Variants in MUSK observed in about 807,000 individuals in gnomAD.
MUSK encodes the protein muscle, skeletal receptor tyrosine-protein kinase.
In MUSK, 55 loss-of-function variants were observed where a neutral mutation model predicts 88.7. The observed-to-expected ratio is 0.62, with a 90% CI of 0.50 to 0.78. The LOEUF (loss-of-function observed/expected upper bound fraction) is 0.78, where lower values mean the gene tolerates loss of function less well. Among genes scored for constraint, MUSK ranks in the 30% least tolerant of loss-of-function variants. The pLI is 0.00. For missense variants in MUSK, 1,015 were observed against 1,074.3 expected, an observed-to-expected ratio of 0.94 and a Z score of 0.77; for synonymous variants, 387 against 391.9, an observed-to-expected ratio of 0.99 and a Z score of 0.15.
chr9:110,762,999 T>A lies in MUSK; in HGVS notation c.920+791T>A, dbSNP rs2077423900. Among the ~76,000 whole-genome samples the A allele has an allele frequency of 1.3e-5, 2 of 152,180 alleles. 1 individual carries two copies. The highest frequency in any genetic ancestry group is 4.1e-4 in the South Asian group (2 of 4,828). On this transcript the variant is annotated intron_variant, in intron 8 of 14. Coordinates refer to ENST00000374448, the MANE Select transcript of MUSK (RefSeq NM_005592.4). ...TCTCATCATCAGAAAATGGTAAGTATGTGAGGTAATGCATTTGTTAATTAG... is the reference window on the plus strand; with the variant it reads ...TCTCATCATCAGAAAATGGTAAGTAAGTGAGGTAATGCATTTGTTAATTAG...
chr9:110,785,364 C>G (rs2077837966), intron 12 of MUSK, among the ~76,000 whole-genome samples, 163 bp from the exon 13 acceptor site: 1 of 152,162 alleles, frequency 6.6e-6, no homozygotes, highest in Non-Finnish European at 1.5e-5. Flanking sequence ...GACTCTAGAC[C>G]AAACAAAATA....
intron 9 of MUSK, among the ~76,000 whole-genome samples, chr9:110,773,048 C>T (rs1213838381): frequency 2.0e-5 from 3 of 152,026 alleles, no homozygotes; most frequent in African/African-American, 4.8e-5. Flanking sequence ...CTAACATAAG[C>T]AGTCATTCAA....
At chr9:110,698,476 T>C (rs562891539) in intron 5 of MUSK, among the ~76,000 whole-genome samples, 68 of 152,328 alleles carry the variant, frequency 4.5e-4, no homozygotes, top group African/African-American at 1.6e-3. Context: ...TTTGATTCTG[T>C]CCTACTTTCC....
chr9:110,781,511 C>T (rs537072327), intron 11 of MUSK, among the ~76,000 whole-genome samples: 8 of 152,270 alleles, frequency 5.3e-5, no homozygotes, highest in South Asian at 4.1e-4. Flanking sequence ...CTCCTGACCT[C>T]GTGATTCACC....
At chr9:110,726,149 A>G (rs1362147172) in intron 5 of MUSK, among the ~76,000 whole-genome samples, 1 of 152,082 alleles carries the variant, frequency 6.6e-6, no homozygotes, top group Non-Finnish European at 1.5e-5. Context: ...GAGGTATAAT[A>G]TATTTGCATT....
rs550105540 is a variant in MUSK, at chr9:110,736,043, C to T, written c.753+1668C>T. On this transcript the variant is annotated intron_variant, in intron 6 of 14. Transcript: ENST00000374448. ...GTGGGGACACAGATCTAAACCATAG[C>T]AATAGCACAACAGGACAACTATACA... 3.3e-5 allele frequency among the ~76,000 whole-genome samples: 5 copies of T among 152,196 alleles called. No homozygotes were observed. In the East Asian group the frequency reaches 9.7e-4, roughly 29 times the overall value.
chr9:110,737,568 T>C (rs1245647091), intron 6 of MUSK, among the ~76,000 whole-genome samples: 3 of 152,132 alleles, frequency 2.0e-5, no homozygotes, highest in Admixed American at 6.6e-5. Context: ...TAGTAGGCTA[T>C]CATGATCAGG....
intron 3 of MUSK, among the ~76,000 whole-genome samples, chr9:110,689,813 T>C (rs1242354353): frequency 2.1e-5 from 2 of 94,556 alleles, no homozygotes; most frequent in African/African-American, 9.0e-5. Context: ...TATATAACTA[T>C]ATATTTAAAT....
At chr9:110,689,718 T>TAGTTATATATAAATATATAACTCTATATA (rs370720549) in intron 3 of MUSK, among the ~76,000 whole-genome samples, 1 of 51,662 alleles carries the variant, frequency 1.9e-5, no homozygotes, top group Non-Finnish European at 2.9e-5. Context: ...TAACTATATA[T>TAGTTATATATAAATATATAACTCTATATA]GTTATATATA....
At chr9:110,762,247 T>C (rs2077413119) in intron 8 of MUSK, 39 bp downstream of exon 8, 1 of 1,389,570 alleles carries the variant, frequency 7.2e-7, no homozygotes, top group Non-Finnish European at 9.4e-7. Flanking sequence ...TCCAATGTTT[T>C]GTTTTGTAGG....
At chr9:110,702,683 G>A (rs1297808664) in intron 5 of MUSK, among the ~76,000 whole-genome samples, 1 of 151,890 alleles carries the variant, frequency 6.6e-6, no homozygotes, top group Admixed American at 6.6e-5. Context: ...CTGATGGCTT[G>A]AGCACTGGAG....
At chr9:110,770,776 G>A (rs1392278841) in intron 9 of MUSK, among the ~76,000 whole-genome samples, 1 of 151,214 alleles carries the variant, frequency 6.6e-6, no homozygotes, top group African/African-American at 2.4e-5. Context: ...TTATGACTAG[G>A]TGTGTTTTAT....
At chr9:110,776,599 A>G (rs749456444) in intron 10 of MUSK, 33 bp from the exon 11 acceptor site, 27 of 1,567,016 alleles carry the variant, frequency 1.7e-5, no homozygotes, top group Middle Eastern at 3.3e-4. Flanking sequence ...CTGGATGCTC[A>G]CTTAAAACAA....
At chr9:110,719,729 A>G (rs961817046) in intron 5 of MUSK, among the ~76,000 whole-genome samples, 1 of 152,080 alleles carries the variant, frequency 6.6e-6, no homozygotes, top group African/African-American at 2.4e-5. Context: ...ACTATACCCT[A>G]CAACAAATGG....
rs542851599 is a variant in MUSK at position 110,783,798 on chromosome 9, T to A, written c.1385-1017T>A. On this transcript the variant is annotated intron_variant, in intron 11 of 14. Transcript: ENST00000374448. ...GTTCATTTACTTTCATTCTTTTTTA[T>A]CTAGTGGAAGGAGATAACACTATGA... 2.0e-5 allele frequency among the ~76,000 whole-genome samples: 3 copies of A among 152,122 alleles called. No homozygotes were observed. In the South Asian group the frequency reaches 6.2e-4, roughly 32 times the overall value.
intron 11 of MUSK, among the ~76,000 whole-genome samples, chr9:110,777,203 G>A (rs1250448220): frequency 6.6e-6 from 1 of 152,096 alleles, no homozygotes; most frequent in Non-Finnish European, 1.5e-5. Context: ...CTTGAAAAGG[G>A]ATGTCGTACA....
chr9:110,758,572 C>A (rs2077357835), intron 7 of MUSK, among the ~76,000 whole-genome samples: 2 of 152,226 alleles, frequency 1.3e-5, no homozygotes, highest in South Asian at 4.2e-4. Context: ...CTGGCCATAG[C>A]AATCAGATAA....
chr9:110,677,683 T>A (rs543990947), intron 1 of MUSK, among the ~76,000 whole-genome samples: 1 of 152,366 alleles, frequency 6.6e-6, no homozygotes, highest in South Asian at 2.1e-4. Flanking sequence ...CAAATTTGAA[T>A]CATCCTGTGA....
At chr9:110,745,270 G>A (rs1340048711) in intron 6 of MUSK, among the ~76,000 whole-genome samples, 2 of 152,196 alleles carry the variant, frequency 1.3e-5, no homozygotes, top group Non-Finnish European at 2.9e-5. Flanking sequence ...GTGACCTTGA[G>A]GAGGTGTTTA....
Sources: allele counts gnomAD v4.1 joint callset (sites outside exome capture counted in the v4.1 genomes callset), GRCh38; gene constraint gnomAD v4.1.1; transcripts MANE v1.5; gene names NCBI Gene and HGNC (gene_info 2026-07-23, HGNC 2026-07-21).